The following SVIL variants were observed in gnomAD, a reference collection of about 807,000 sequenced individuals.
The protein encoded by SVIL is supervillin.
Under a neutral mutation model 240.4 loss-of-function variants are expected in SVIL, and 101 were observed. The ratio of observed to expected loss-of-function variants is 0.42; its 90% CI spans 0.36 to 0.50. The LOEUF (loss-of-function observed/expected upper bound fraction) is 0.50, where lower values mean the gene tolerates loss of function less well. Among genes scored for constraint, SVIL ranks in the 20% least tolerant of loss-of-function variants. The pLI is 0.01. For missense variants in SVIL, 2,512 were observed against 2,818.7 expected, an observed-to-expected ratio of 0.89 and a Z score of 2.46; for synonymous variants, 999 against 1,100.0, an observed-to-expected ratio of 0.91 and a Z score of 1.82.
chr10:29,503,794 T>C (rs1949071690), intron 17 of SVIL, among the ~76,000 whole-genome samples: 1 of 152,224 alleles, frequency 6.6e-6, no homozygotes, highest in Non-Finnish European at 1.5e-5. Flanking sequence ...GAGCTGTACA[T>C]TCGATGCAGT....
chr10:29,512,786 C>A lies in SVIL; in HGVS notation c.3465G>T (p.Ala1155=). Reference sequence around the variant, plus strand: ...CCTGGGTGTGCAGGCTGCTGGCCGGCGCCTTGCCGCCCTCCTGCCTCCTGC... The same window carrying A: ...CCTGGGTGTGCAGGCTGCTGGCCGGAGCCTTGCCGCCCTCCTGCCTCCTGC... ...RLSRRQEGGK[A]PASSLHTQEA... The change falls in exon 17 of 38, where the codon GCG becomes GCT. Residue 1155 remains alanine, a synonymous_variant. Coordinates refer to ENST00000355867, the MANE Select transcript of SVIL (RefSeq NM_021738.3). The A allele has an allele frequency of 6.2e-7, 1 of 1,613,580 alleles. No homozygotes were observed. Among genetic ancestry groups the A allele is most frequent in the Non-Finnish European group, 8.5e-7 (1 of 1,180,030 alleles).
At chr10:29,595,447 A>G (rs928890990) in intron 1 of SVIL, among the ~76,000 whole-genome samples, 1 of 152,232 alleles carries the variant, frequency 6.6e-6, no homozygotes, top group Admixed American at 6.5e-5. Context: ...GCACGTGCCC[A>G]GTGAGGGAGA....
chr10:29,495,114 T>C lies in SVIL; in HGVS notation c.3732A>G (p.Thr1244=). ...TACCTTCCAGGGGTTTGGAAACGGG[T>C]GTGGTGCCTCTTGTTTTACCGCAAA... The part of the protein sequence containing the change: ...SPICGKTRGT[T]PVSKPLEDIE... Residue 1244 remains threonine, a synonymous_variant, in exon 19 of 38, where the codon ACA becomes ACG. Transcript: ENST00000355867. 6.3e-7 allele frequency: 1 copy of C among 1,597,844 alleles called. No individual in the cohort carries two copies. The highest frequency in any genetic ancestry group is 8.5e-7 in the Non-Finnish European group (1 of 1,171,562).
Position 29,512,836 on chromosome 10 carries a change from C to T in SVIL, c.3415G>A (p.Glu1139Lys). Residue 1139 changes from glutamate (E) to lysine (K), a missense_variant, in exon 17 of 38, where the codon GAG (glutamate) becomes AAG (lysine). Transcript: ENST00000355867. ...CTGAGTCTGTTTCTCCAATCTTCCT[C>T]CCCGCTTTTCTTCAACAGTGCCAAT... ...ERLALLKKSG[E>K]EDWRNRLSRR... 2 of 1,611,618 alleles carry T rather than the reference C, an allele frequency of 1.2e-6. No homozygotes were observed. Among genetic ancestry groups the T allele is most frequent in the Non-Finnish European group, 1.7e-6 (2 of 1,180,006 alleles).
Position 29,467,726 on chromosome 10 carries a change from G to C in SVIL, c.5977+16C>G, listed in dbSNP as rs775410289. The C allele has an allele frequency of 3.1e-6, 5 of 1,613,808 alleles. No homozygotes were observed. Among genetic ancestry groups the C allele is most frequent in the Admixed American group, 1.7e-5 (1 of 59,974 alleles). On this transcript the variant is annotated intron_variant, in intron 33 of 37. Coordinates refer to ENST00000355867, the MANE Select transcript of SVIL (RefSeq NM_021738.3). The stretch of plus-strand genomic sequence containing the variant: ...AAACAAAAAAACCAGATCGCAGACT[G>C]TGGATGCCACATTACCTTGAAGCAT...
intron 1 of SVIL, among the ~76,000 whole-genome samples, chr10:29,721,452 A>G (rs932107370): frequency 2.0e-5 from 3 of 152,086 alleles, no homozygotes; most frequent in African/African-American, 4.8e-5. Context: ...ATACAACTGT[A>G]TACTGCCTAC....
At chr10:29,713,817 G>A (rs1255969663) in intron 1 of SVIL, among the ~76,000 whole-genome samples, 1 of 152,232 alleles carries the variant, frequency 6.6e-6, no homozygotes, top group East Asian at 1.9e-4. Flanking sequence ...AAAAGAGGGA[G>A]AGTTTCCAGT....
At chr10:29,490,069 T>G (rs1588953436) in intron 22 of SVIL, among the ~76,000 whole-genome samples, 1 of 152,240 alleles carries the variant, frequency 6.6e-6, no homozygotes, top group Admixed American at 6.5e-5. Flanking sequence ...ACTGGGCAGA[T>G]GAGAGCAGTG....
chr10:29,629,802 A>G (rs1589422047), intron 1 of SVIL, among the ~76,000 whole-genome samples: 1 of 146,528 alleles, frequency 6.8e-6, no homozygotes, highest in South Asian at 2.2e-4. Context: ...ACATAGTGAG[A>G]CCCCTGCCTC....
In SVIL at chr10:29,624,789, A is replaced by T. The variant is rs184350964; in HGVS notation, c.-201+9631T>A. ...CTCTCTCCTTTAAAATACCACGGTAATTTGTTCTCCACATATCTTAGGGCA... is the reference window on the plus strand; with the variant it reads ...CTCTCTCCTTTAAAATACCACGGTATTTTGTTCTCCACATATCTTAGGGCA... On this transcript the variant is annotated intron_variant, in intron 1 of 37. Transcript: ENST00000355867. 4.6e-3 allele frequency among the ~76,000 whole-genome samples: 701 copies of T among 152,284 alleles called. 8 individuals are homozygous for T. Among genetic ancestry groups the T allele is most frequent in the African/African-American group, 0.016 (670 of 41,548 alleles).
chr10:29,556,501 C>A (rs1953950187), intron 3 of SVIL, among the ~76,000 whole-genome samples: 1 of 152,264 alleles, frequency 6.6e-6, no homozygotes. Context: ...GGGATAGAAG[C>A]CTTGTTTTTC....
chr10:29,534,169 A>G (rs1231121731), intron 7 of SVIL, among the ~76,000 whole-genome samples: 2 of 152,154 alleles, frequency 1.3e-5, no homozygotes, highest in East Asian at 1.9e-4. Flanking sequence ...TCCCACCACC[A>G]TCCCCCTGTC....
At chr10:29,642,857 C>T (rs1488585416) in intron 3 of SVIL, among the ~76,000 whole-genome samples, 4 of 152,014 alleles carry the variant, frequency 2.6e-5, no homozygotes, top group Admixed American at 6.6e-5. Context: ...ATAATGTTTT[C>T]GTATTTTTAG....
chr10:29,685,470 C>T (rs1960996847), intron 2 of SVIL, among the ~76,000 whole-genome samples: 1 of 152,170 alleles, frequency 6.6e-6, no homozygotes, highest in Non-Finnish European at 1.5e-5. Flanking sequence ...AATGTTAATT[C>T]TGCTTTAAGT....
Position 29,467,724 on chromosome 10 carries a change from C to G in SVIL, c.5977+18G>C. On this transcript the variant is annotated intron_variant, in intron 33 of 37. Transcript: ENST00000355867. ...ACAAACAAAAAAACCAGATCGCAGA[C>G]TGTGGATGCCACATTACCTTGAAGC... is the stretch of plus-strand genomic sequence containing the variant. The G allele has an allele frequency of 6.2e-7, 1 of 1,613,552 alleles. No homozygotes were observed. The highest frequency in any genetic ancestry group is 1.1e-5 in the South Asian group (1 of 91,004).
At chr10:29,669,420 A>C (rs1270962922) in intron 2 of SVIL, among the ~76,000 whole-genome samples, 3 of 152,206 alleles carry the variant, frequency 2.0e-5, no homozygotes, top group Non-Finnish European at 4.4e-5. Context: ...TGCTGGCCAC[A>C]CAGGCTCTGG....
At chr10:29,605,369 G>A (rs111969143) in intron 1 of SVIL, among the ~76,000 whole-genome samples, 37 of 152,270 alleles carry the variant, frequency 2.4e-4, no homozygotes, top group Admixed American at 9.2e-4. Context: ...CACGGTTCCC[G>A]TCTCCCCCCA....
chr10:29,479,218 A>G (rs1164563022), intron 29 of SVIL, among the ~76,000 whole-genome samples: 1 of 152,116 alleles, frequency 6.6e-6, no homozygotes, highest in East Asian at 1.9e-4. Flanking sequence ...CCTGTGCTGG[A>G]GCCCCACTCT....
At chr10:29,608,397 T>C (rs988236243) in intron 1 of SVIL, among the ~76,000 whole-genome samples, 1 of 152,196 alleles carries the variant, frequency 6.6e-6, no homozygotes, top group Admixed American at 6.5e-5. Flanking sequence ...GTGCACTCTG[T>C]GGAGCTGGCA....
Sources: allele counts gnomAD v4.1 joint callset (sites outside exome capture counted in the v4.1 genomes callset), GRCh38; gene constraint gnomAD v4.1.1; transcripts MANE v1.5; gene names NCBI Gene and HGNC (gene_info 2026-07-23, HGNC 2026-07-21).